DIAPH2: variants seen among roughly 807,000 people sequenced by gnomAD.
DIAPH2 encodes the protein protein diaphanous homolog 2.
A neutral mutation model predicts 92.7 loss-of-function variants in DIAPH2; 35 were observed. The observed-to-expected ratio is 0.38, with a 90% confidence interval of 0.29 to 0.50. The LOEUF is 0.50. DIAPH2 is among the 20% of genes least tolerant of loss of function. DIAPH2 has a pLI of 0.94. For synonymous variants in DIAPH2, 301 were observed against 280.4 expected (o/e 1.07, Z -0.73); for missense variants, 701 against 819.5 (o/e 0.86, Z 1.77).
intron 26 of DIAPH2, among the ~76,000 whole-genome samples, chrX:97,457,912 C>T (rs1363290397): frequency 9.0e-6 from 1 of 111,592 alleles, no homozygotes; most frequent in Admixed American, 9.5e-5. Context: ...TATTAGACGT[C>T]CCAGCCCCCA....
At chrX:97,075,360 AT>A in intron 19 of DIAPH2, 99 bp downstream of exon 19, 1 of 442,401 alleles carries the variant, frequency 2.3e-6, no homozygotes, top group East Asian at 5.0e-5. Context: ...CTATAATTAG[AT>A]TTTTAAAAAG....
intron 20 of DIAPH2, among the ~76,000 whole-genome samples, chrX:97,105,978 G>C (rs935191748): frequency 2.1e-4 from 23 of 111,080 alleles, no homozygotes; most frequent in African/African-American, 5.5e-4. Flanking sequence ...TAAATTTACT[G>C]TGCTTTTTAA....
intron 4 of DIAPH2, among the ~76,000 whole-genome samples, chrX:96,867,538 A>G (rs1345585059): frequency 9.0e-6 from 1 of 111,437 alleles, no homozygotes; most frequent in Non-Finnish European, 1.9e-5. Context: ...CTTTCAAGTT[A>G]GGATAGGACT....
intron 11 of DIAPH2, among the ~76,000 whole-genome samples, chrX:96,938,020 A>G (rs2065669332): frequency 9.0e-6 from 1 of 111,370 alleles, no homozygotes; most frequent in African/African-American, 3.3e-5. Flanking sequence ...AAACATGTCA[A>G]AACCAAAGTG....
chrX:97,515,045 G>A (rs1346145991), intron 26 of DIAPH2, among the ~76,000 whole-genome samples: 1 of 111,017 alleles, frequency 9.0e-6, no homozygotes, highest in Admixed American at 9.5e-5. Flanking sequence ...CACCCAGTTC[G>A]AGCTTCCTGG....
chrX:97,403,683 TG>T (rs1489757478), intron 25 of DIAPH2, among the ~76,000 whole-genome samples: 1 of 111,614 alleles, frequency 9.0e-6, no homozygotes, highest in Non-Finnish European at 1.9e-5. Context: ...ATCAGTCCTT[TG>T]AATTTGTTTT....
intron 22 of DIAPH2, among the ~76,000 whole-genome samples, chrX:97,240,823 T>A: frequency 9.0e-6 from 1 of 111,428 alleles, no homozygotes; most frequent in Middle Eastern, 4.6e-3. Flanking sequence ...TAATAATAAG[T>A]ACTTTATCAA....
At chrX:96,823,025 T>C (rs982856516) in intron 4 of DIAPH2, among the ~76,000 whole-genome samples, 3 of 111,617 alleles carry the variant, frequency 2.7e-5, no homozygotes, top group African/African-American at 9.7e-5. Flanking sequence ...TCAGCCTAAT[T>C]AGCAATAGAA....
chrX:97,376,748 T>C (rs1006338338), intron 24 of DIAPH2, among the ~76,000 whole-genome samples: 1 of 111,988 alleles, frequency 8.9e-6, no homozygotes, highest in African/African-American at 3.2e-5. Flanking sequence ...GGTGATTTCA[T>C]TGTTGTATGA....
intron 1 of DIAPH2, among the ~76,000 whole-genome samples, chrX:96,726,990 T>TA (rs970390511): frequency 8.9e-5 from 10 of 112,135 alleles, no homozygotes; most frequent in Non-Finnish European, 1.9e-4. Context: ...TACAGGTCCA[T>TA]AACCCTTTTC....
chrX:97,165,141 A>G (rs2067402143), intron 22 of DIAPH2, among the ~76,000 whole-genome samples: 2 of 111,868 alleles, frequency 1.8e-5, no homozygotes, highest in Non-Finnish European at 3.8e-5. Context: ...ACAATTAATT[A>G]TATAGCTCTA....
At chrX:97,083,247 G>A (rs1453337505) in intron 19 of DIAPH2, among the ~76,000 whole-genome samples, 1 of 111,748 alleles carries the variant, frequency 8.9e-6, no homozygotes, top group Non-Finnish European at 1.9e-5. Flanking sequence ...ATAATAACGG[G>A]TATAACGTAA....
chrX:96,868,933 A>T (rs2065121590), intron 4 of DIAPH2, among the ~76,000 whole-genome samples: 1 of 112,066 alleles, frequency 8.9e-6, no homozygotes, highest in African/African-American at 3.2e-5. Flanking sequence ...ATAGTGTCCA[A>T]TTAAAATTTT....
intron 5 of DIAPH2, chrX:96,884,446 G>T: frequency 8.3e-7 from 1 of 1,211,153 alleles, no homozygotes; most frequent in Non-Finnish European, 1.1e-6. Context: ...AATTCAGGAC[G>T]TTGTACCGTG....
chrX:97,183,911 A>G (rs1175410309), intron 22 of DIAPH2, among the ~76,000 whole-genome samples: 1 of 112,426 alleles, frequency 8.9e-6, no homozygotes. Flanking sequence ...TTCAAATACT[A>G]ATGAGCAGCA....
At chrX:97,216,925 G>T (rs1163400621) in intron 22 of DIAPH2, among the ~76,000 whole-genome samples, 1 of 111,734 alleles carries the variant, frequency 8.9e-6, no homozygotes, top group Non-Finnish European at 1.9e-5. Context: ...CAGGAAGGAG[G>T]AATGTGGAGA....
At chrX:96,917,513 A>T (rs2065512809) in intron 8 of DIAPH2, among the ~76,000 whole-genome samples, 1 of 111,731 alleles carries the variant, frequency 9.0e-6, no homozygotes, top group African/African-American at 3.2e-5. Flanking sequence ...TTTATTTTTT[A>T]AAAGTCAGTT....
chrX:97,224,575 C>G (rs1404601791), intron 22 of DIAPH2, among the ~76,000 whole-genome samples: 2 of 111,886 alleles, frequency 1.8e-5, no homozygotes, highest in African/African-American at 6.5e-5. Flanking sequence ...ACAGATATGT[C>G]TCTTAAGGGA....
intron 22 of DIAPH2, among the ~76,000 whole-genome samples, chrX:97,238,895 A>G (rs1465197179): frequency 8.9e-6 from 1 of 111,743 alleles, no homozygotes; most frequent in African/African-American, 3.2e-5. Context: ...CGCTGATAGT[A>G]ATTCTTCAAC....
Sources: allele counts gnomAD v4.1 joint callset (sites outside exome capture counted in the v4.1 genomes callset), GRCh38; gene constraint gnomAD v4.1.1; transcripts MANE v1.5; gene names NCBI Gene and HGNC (gene_info 2026-07-23, HGNC 2026-07-21).